Variants in SLF1 observed in about 807,000 individuals in gnomAD.
SLF1 encodes SMC5-SMC6 complex localization factor protein 1.
SLF1 carries 105 observed loss-of-function variants against 123.0 expected under a neutral mutation model. The ratio of observed to expected loss-of-function variants is 0.85; its 90% CI spans 0.73 to 1.00. The LOEUF (loss-of-function observed/expected upper bound fraction) is 1.00, where lower values mean the gene tolerates loss of function less well. SLF1 is among the 50% of genes least tolerant of loss of function. The pLI is 0.00. For missense variants in SLF1, 1,239 were observed against 1,223.0 expected (o/e 1.01, Z -0.20); for synonymous variants, 434 against 406.6 (o/e 1.07, Z -0.81).
chr5:94,687,722 G>C (rs1218300363), intron 16 of SLF1, among the ~76,000 whole-genome samples: 1 of 146,286 alleles, frequency 6.8e-6, no homozygotes, highest in African/African-American at 2.6e-5. Flanking sequence ...CAACAACAAA[G>C]AAAGAAAAGA....
chr5:94,642,475 G>A (rs1746556991), intron 4 of SLF1, among the ~76,000 whole-genome samples: 2 of 152,142 alleles, frequency 1.3e-5, no homozygotes, highest in Non-Finnish European at 2.9e-5. Flanking sequence ...CCTTTGATCT[G>A]CCAAAAGTGA....
chr5:94,631,698 G>A (rs1745213895), intron 4 of SLF1, among the ~76,000 whole-genome samples: 1 of 152,114 alleles, frequency 6.6e-6, no homozygotes, highest in Non-Finnish European at 1.5e-5. Context: ...TATAAATTGA[G>A]CTGCTATGAA....
intron 14 of SLF1, among the ~76,000 whole-genome samples, chr5:94,672,922 A>G (rs992456350): frequency 1.3e-5 from 2 of 152,186 alleles, no homozygotes; most frequent in East Asian, 3.8e-4. Context: ...TAAAGACCAG[A>G]GTATCTTCCC....
intron 1 of SLF1, among the ~76,000 whole-genome samples, chr5:94,619,504 A>T (rs909850145): frequency 2.6e-5 from 4 of 152,152 alleles, no homozygotes; most frequent in African/African-American, 7.2e-5. Context: ...CAAAAAAAAA[A>T]TTGGTCCGTC....
Position 94,670,956 on chromosome 5 carries a change from T to C in SLF1, c.1775T>C (p.Met592Thr), listed in dbSNP as rs960308297. 5.2e-6 allele frequency: 8 copies of C among 1,549,642 alleles called. No homozygotes were observed. The African/African-American group carries it at 5.5e-5, about 11-fold the overall frequency. Residue 592 changes from methionine to threonine, a missense_variant, in exon 14 of 21, where the codon ATG (methionine) becomes ACG (threonine). Transcript: ENST00000265140. ...GGGCTTTTGACCAAACCAGTAAATA[T>C]GCTTTTGGAATGGACTATATATTCT... The part of the protein sequence containing the change: ...TSGLLTKPVN[M>T]LLEWTIYSHK...
rs149023287 is a variant in SLF1, at chr5:94,636,291, C to T, written c.431+5548C>T. Among the ~76,000 whole-genome samples, 596 of 152,172 alleles carry T rather than the reference C, an allele frequency of 3.9e-3. 3 individuals are homozygous for T. The highest frequency in any genetic ancestry group is 7.4e-3 in the Non-Finnish European group (502 of 67,998). ...CTTTGGGTTAAATTTGATTAGAAAC[C>T]ACGATGCTTCTTGTCCCTGGATGTG... On this transcript the variant is annotated intron_variant, in intron 4 of 20. Coordinates refer to ENST00000265140, the MANE Select transcript of SLF1 (RefSeq NM_032290.4).
chr5:94,689,741 AT>A, intron 18 of SLF1, 135 bp downstream of exon 18: 1 of 708,714 alleles, frequency 1.4e-6, no homozygotes, highest in African/African-American at 1.8e-5. Context: ...ACCTTCTTGG[AT>A]AACGTATTAT....
chr5:94,621,314 G>GTAAA (rs1464815296), intron 1 of SLF1, among the ~76,000 whole-genome samples: 13 of 152,152 alleles, frequency 8.5e-5, no homozygotes, highest in Non-Finnish European at 1.5e-4. Flanking sequence ...TTTACTAGCT[G>GTAAA]TGTACCCTTG....
intron 14 of SLF1, among the ~76,000 whole-genome samples, chr5:94,678,102 A>G (rs1190631683): frequency 6.6e-6 from 1 of 151,950 alleles, no homozygotes; most frequent in African/African-American, 2.4e-5. Flanking sequence ...TTGTATTTTT[A>G]GTAGAGACGG....
intron 15 of SLF1, among the ~76,000 whole-genome samples, chr5:94,683,370 A>G (rs1490076551): frequency 6.6e-6 from 1 of 152,224 alleles, no homozygotes; most frequent in Non-Finnish European, 1.5e-5. Context: ...TTTTCTATAC[A>G]GTGGAAGAAG....
intron 9 of SLF1, among the ~76,000 whole-genome samples, chr5:94,660,749 C>T (rs572316434): frequency 9.6e-4 from 146 of 152,276 alleles, no homozygotes; most frequent in Non-Finnish European, 1.4e-3. Context: ...TGCATGACGA[C>T]GCTGGTGCTG....
chr5:94,653,319 G>T lies in SLF1; in HGVS notation c.930G>T (p.Leu310Phe). ...AAGATATTCAGAGGAGTTATACTTT[G>T]AGGAGAAAACGCAAGAAAGGAAAAG... ...KDEDIQRSYTLRRKRKKGKES... is the reference protein window; with the variant it reads ...KDEDIQRSYTFRRKRKKGKES... Residue 310 changes from leucine to phenylalanine, a missense_variant, in exon 8 of 21, where the codon TTG becomes TTT. Physicochemically the swap from Leu to Phe is conservative, Grantham distance 22. Coordinates refer to ENST00000265140, the MANE Select transcript of SLF1 (RefSeq NM_032290.4). The T allele has an allele frequency of 6.5e-7, 1 of 1,530,074 alleles. No individual in the cohort carries two copies. Among genetic ancestry groups the T allele is most frequent in the South Asian group, 1.3e-5 (1 of 79,610 alleles). The allele number at this position is 1,530,074 out of a possible 1,614,324, so 94.8% of individuals were successfully genotyped here.
intron 20 of SLF1, among the ~76,000 whole-genome samples, chr5:94,693,012 G>A (rs1343498894): frequency 6.6e-6 from 1 of 152,004 alleles, no homozygotes; most frequent in East Asian, 1.9e-4. Context: ...CTTAGAATAT[G>A]GAAACAAAGA....
intron 9 of SLF1, 58 bp from the exon 10 acceptor site, chr5:94,662,240 T>TC: frequency 6.9e-7 from 1 of 1,443,750 alleles, no homozygotes; most frequent in Admixed American, 2.1e-5. Context: ...TTGGGGAAGC[T>TC]GAAATGTATT....
intron 4 of SLF1, among the ~76,000 whole-genome samples, chr5:94,632,161 G>A (rs1745278366): frequency 6.6e-6 from 1 of 151,902 alleles, no homozygotes; most frequent in African/African-American, 2.4e-5. Context: ...AGTTCCTGTT[G>A]CTCTGAAGTT....
Position 94,689,493 on chromosome 5 carries a change from G to C in SLF1, c.2306G>C (p.Cys769Ser). 1 of 1,612,238 alleles carries C rather than the reference G, an allele frequency of 6.2e-7. No homozygotes were observed. The highest frequency in any genetic ancestry group is 1.1e-5 in the South Asian group (1 of 90,748). Residue 769 changes from cysteine to serine, a missense_variant, in exon 18 of 21, where the codon TGT becomes TCT. Coordinates refer to ENST00000265140, the MANE Select transcript of SLF1 (RefSeq NM_032290.4). The stretch of plus-strand genomic sequence containing the variant: ...TTCAGAGACCTGAACCTTGCTAAAT[G>C]TTCCTCATCATTAAAAAAATTGAAA... ...PELLDLNLAK[C>S]SSSLKKLKKK... is the part of the protein sequence containing the mutation.
intron 16 of SLF1, among the ~76,000 whole-genome samples, 189 bp from the exon 17 acceptor site, chr5:94,688,317 C>G (rs998625639): frequency 2.6e-5 from 4 of 151,980 alleles, no homozygotes; most frequent in Non-Finnish European, 5.9e-5. Flanking sequence ...TCTGGTTGTT[C>G]ACATGGTATT....
rs550148252 is a variant in SLF1 at position 94,695,241 on chromosome 5, C to G, written c.3106C>G (p.Pro1036Ala). ...KELPENLKVC[P>A]GVHTEALMIT... ...ACTGCCTGAGAATTTGAAAGTGTGTCCTGGGGTACACACTGAGGCCTTGAT... is the reference window on the plus strand; with the variant it reads ...ACTGCCTGAGAATTTGAAAGTGTGTGCTGGGGTACACACTGAGGCCTTGAT... The change falls in exon 21 of 21, where the codon CCT (proline) becomes GCT (alanine). Residue 1036 changes from proline (P) to alanine (A), a missense_variant. Transcript: ENST00000265140. 2.5e-4 allele frequency: 395 copies of G among 1,612,160 alleles called. 2 individuals carry two copies. Among genetic ancestry groups the G allele is most frequent in the South Asian group, 1.3e-3 (121 of 91,018 alleles).
chr5:94,643,193 AAG>A (rs1746643120), intron 4 of SLF1, 78 bp from the exon 5 acceptor site: 1 of 1,176,666 alleles, frequency 8.5e-7, no homozygotes, highest in East Asian at 2.7e-5. Context: ...TCGTACTCCT[AAG>A]AAATAATTAA....
Sources: allele counts gnomAD v4.1 joint callset (sites outside exome capture counted in the v4.1 genomes callset), GRCh38; gene constraint gnomAD v4.1.1; transcripts MANE v1.5; gene names NCBI Gene and HGNC (gene_info 2026-07-23, HGNC 2026-07-21).